Variants in OPCML observed in about 807,000 individuals in gnomAD.
The protein encoded by OPCML is opioid-binding protein/cell adhesion molecule.
OPCML carries 13 observed loss-of-function variants against 37.8 expected under a neutral mutation model. The ratio of observed to expected loss-of-function variants is 0.34; its 90% CI spans 0.22 to 0.55. The LOEUF is 0.55. OPCML is among the 20% of genes least tolerant of loss of function. The probability of loss-of-function intolerance (pLI) is 0.91; values close to 1 mark genes in which losing one functional copy is unlikely to be tolerated. For synonymous variants in OPCML, 176 were observed against 168.8 expected, an observed-to-expected ratio of 1.04 and a Z score of -0.33; for missense variants, 341 against 435.6, an observed-to-expected ratio of 0.78 and a Z score of 1.93.
Position 132,942,972 on chromosome 11 carries a change from C to T in OPCML, c.100G>A (p.Ala34Thr), listed in dbSNP as rs1945634224. 3 of 1,614,016 alleles carry T rather than the reference C, an allele frequency of 1.9e-6. No individual in the cohort carries two copies. Among genetic ancestry groups the T allele is most frequent in the Non-Finnish European group, 2.5e-6 (3 of 1,180,012 alleles). The stretch of plus-strand genomic sequence containing the variant: ...TGCCGGACCGTCACGTTGTCCATAG[C>T]TTTGGGGAAGGTGGCATCTCCGCTG... Reference protein sequence around the residue: ...VRSGDATFPKAMDNVTVRQGE... With the variant: ...VRSGDATFPKTMDNVTVRQGE... The change falls in exon 2 of 8, where the codon GCT becomes ACT. Residue 34 changes from alanine (A) to threonine (T), a missense_variant. Coordinates refer to ENST00000524381, the MANE Select transcript of OPCML (RefSeq NM_001012393.5).
At chr11:132,802,211 T>C (rs1938698987) in intron 2 of OPCML, among the ~76,000 whole-genome samples, 1 of 152,154 alleles carries the variant, frequency 6.6e-6, no homozygotes, top group African/African-American at 2.4e-5. Flanking sequence ...CTTAACTCTT[T>C]CTCCTCCTTC....
rs535111821 is a variant in OPCML, at chr11:133,025,493, C to T, written c.62-82483G>A. On this transcript the variant is annotated intron_variant, in intron 1 of 7. Transcript: ENST00000524381. ...TTAACTATTTGGTAATCTAGTCAGT[C>T]GGCTCTCTCAGGAACACTGGATTCT... 3.5e-5 allele frequency: 34 copies of T among 985,126 alleles called. No homozygotes were observed. The South Asian group carries it at 1.2e-3, about 35-fold the overall frequency. The allele number at this position is 985,126 out of a possible 1,614,324, so 61.0% of individuals were successfully genotyped here. A position where few individuals can be genotyped will look rare whatever the true frequency, so the allele number is the denominator to read the frequency against.
chr11:133,216,774 A>G (rs1939601171), intron 1 of OPCML, among the ~76,000 whole-genome samples: 1 of 152,238 alleles, frequency 6.6e-6, no homozygotes, highest in African/African-American at 2.4e-5. Context: ...ACGTACATTC[A>G]TGCATATGAA....
chr11:133,322,156 A>G (rs908820940), intron 1 of OPCML, among the ~76,000 whole-genome samples: 2 of 152,182 alleles, frequency 1.3e-5, no homozygotes, highest in African/African-American at 2.4e-5. Flanking sequence ...GCTGCAACCT[A>G]TGGTCTTTCT....
intron 1 of OPCML, among the ~76,000 whole-genome samples, chr11:133,072,162 T>C (rs1017656974): frequency 7.1e-6 from 1 of 141,760 alleles, no homozygotes; most frequent in Non-Finnish European, 1.5e-5. Flanking sequence ...GTTTCTTTAA[T>C]GGCCATGAAA....
chr11:132,455,808 G>T (rs983750864), intron 4 of OPCML, among the ~76,000 whole-genome samples: 5 of 138,798 alleles, frequency 3.6e-5, no homozygotes, highest in South Asian at 5.0e-4. Flanking sequence ...CATATGTAAG[G>T]CATAACTTAC....
chr11:132,694,799 G>A lies in OPCML; in HGVS notation c.147-37480C>T, dbSNP rs186610254. On this transcript the variant is annotated intron_variant, in intron 2 of 7. Transcript: ENST00000524381. Reference sequence around the variant, plus strand: ...GGATCCCAGGACTTTGGAGTTTACAGATACCTATGCTGCAATTCTCCCCTT... The same window carrying A: ...GGATCCCAGGACTTTGGAGTTTACAAATACCTATGCTGCAATTCTCCCCTT... Among the ~76,000 whole-genome samples the A allele has an allele frequency of 2.5e-3, 377 of 152,300 alleles. 3 individuals carry two copies. Among genetic ancestry groups the A allele is most frequent in the South Asian group, 5.2e-3 (25 of 4,826 alleles).
intron 4 of OPCML, among the ~76,000 whole-genome samples, chr11:132,459,817 C>T (rs888645345): frequency 6.6e-6 from 1 of 152,112 alleles, no homozygotes; most frequent in Non-Finnish European, 1.5e-5. Flanking sequence ...ACCTGTCAAG[C>T]TCATGAAAGC....
At chr11:133,162,167 G>A (rs560002714) in intron 1 of OPCML, among the ~76,000 whole-genome samples, 11 of 152,176 alleles carry the variant, frequency 7.2e-5, no homozygotes, top group Admixed American at 4.6e-4. Context: ...GAAAGTGCAT[G>A]CAAATTGTCT....
At chr11:133,425,741 A>G (rs539514210) in intron 1 of OPCML, among the ~76,000 whole-genome samples, 1 of 152,278 alleles carries the variant, frequency 6.6e-6, no homozygotes, top group South Asian at 2.1e-4. Flanking sequence ...CCTTTCTTAA[A>G]GTGCTTATTA....
rs556033282 is a variant in OPCML, at chr11:132,843,958, TGTGGGAGGGACCTG to T, written c.146+98954_146+98967del. ...AATCTCATCTTGAATTCCCATGTGT[TGTGGGAGGGACCTG>T]GTGGGAGGTAATTGAATCATGGGGG... On this transcript the variant is annotated intron_variant, in intron 2 of 7. Coordinates refer to ENST00000524381, the MANE Select transcript of OPCML (RefSeq NM_001012393.5). 7.4e-3 allele frequency among the ~76,000 whole-genome samples: 1,127 copies of T among 152,326 alleles called. 10 individuals are homozygous for T. Among genetic ancestry groups the T allele is most frequent in the African/African-American group, 0.026 (1,088 of 41,566 alleles).
intron 1 of OPCML, among the ~76,000 whole-genome samples, chr11:132,973,637 C>T (rs554624531): frequency 6.6e-6 from 1 of 152,322 alleles, no homozygotes; most frequent in African/African-American, 2.4e-5. Context: ...AAGGACACAA[C>T]AAAGTTGACT....
chr11:133,015,654 A>G (rs1947319171), intron 1 of OPCML, among the ~76,000 whole-genome samples: 1 of 152,184 alleles, frequency 6.6e-6, no homozygotes, highest in Admixed American at 6.5e-5. Flanking sequence ...CCAAAGCAAG[A>G]TATTGCCCAA....
chr11:132,888,642 T>G (rs1943516831), intron 2 of OPCML, among the ~76,000 whole-genome samples: 1 of 151,908 alleles, frequency 6.6e-6, no homozygotes, highest in Non-Finnish European at 1.5e-5. Flanking sequence ...TTTGTTTGTT[T>G]GGCTTTTTTT....
intron 4 of OPCML, among the ~76,000 whole-genome samples, chr11:132,458,360 C>A (rs1268445733): frequency 1.3e-5 from 2 of 152,210 alleles, no homozygotes; most frequent in Non-Finnish European, 2.9e-5. Flanking sequence ...TGACTAGGAG[C>A]TAAAAAGTGT....
At chr11:132,535,063 G>A (rs2096336790) in intron 3 of OPCML, among the ~76,000 whole-genome samples, 1 of 147,404 alleles carries the variant, frequency 6.8e-6, no homozygotes, top group South Asian at 2.1e-4. Context: ...ATAATAATAT[G>A]GTATAATATA....
At chr11:132,821,491 C>T (rs541420046) in intron 2 of OPCML, among the ~76,000 whole-genome samples, 4 of 152,314 alleles carry the variant, frequency 2.6e-5, no homozygotes, top group African/African-American at 7.2e-5. Context: ...GAGAAACAGC[C>T]CATTTAATGT....
intron 1 of OPCML, among the ~76,000 whole-genome samples, chr11:133,506,720 T>C (rs1948039528): frequency 1.3e-5 from 2 of 152,194 alleles, no homozygotes; most frequent in Non-Finnish European, 2.9e-5. Context: ...CATGGTATTG[T>C]CCTAGCCACA....
chr11:133,371,901 G>C (rs905560078), intron 1 of OPCML, among the ~76,000 whole-genome samples: 4 of 152,310 alleles, frequency 2.6e-5, no homozygotes, highest in South Asian at 2.1e-4. Context: ...ATCGGCATAT[G>C]AAGTGAAAGA....
Sources: allele counts gnomAD v4.1 joint callset (sites outside exome capture counted in the v4.1 genomes callset), GRCh38; gene constraint gnomAD v4.1.1; transcripts MANE v1.5; gene names NCBI Gene and HGNC (gene_info 2026-07-23, HGNC 2026-07-21).